Variants in ROBO2 observed in about 807,000 individuals in gnomAD.
ROBO2 encodes roundabout guidance receptor 2, also known as roundabout homolog 2.
ROBO2 carries 53 observed loss-of-function variants against 160.8 expected under a neutral mutation model. The ratio of observed to expected loss-of-function variants is 0.33; its 90% CI spans 0.26 to 0.41. ROBO2 has a LOEUF of 0.41. Ranked by LOEUF, ROBO2 falls within the 10% of genes least tolerant of loss-of-function variation. The probability of loss-of-function intolerance (pLI) is 1.00; values close to 1 mark genes in which losing one functional copy is unlikely to be tolerated. For missense variants in ROBO2, 1,577 were observed against 1,722.4 expected, an observed-to-expected ratio of 0.92 and a Z score of 1.49; for synonymous variants, 664 against 611.7, an observed-to-expected ratio of 1.09 and a Z score of -1.26.
At chr3:76,439,767 G>C (rs2076840194) in intron 2 of ROBO2, among the ~76,000 whole-genome samples, 1 of 152,132 alleles carries the variant, frequency 6.6e-6, no homozygotes, top group African/African-American at 2.4e-5. Flanking sequence ...GTCAATGCAT[G>C]ATGAAAGAGT....
At chr3:76,022,172 T>C (rs895236683) in intron 2 of ROBO2, among the ~76,000 whole-genome samples, 2 of 151,830 alleles carry the variant, frequency 1.3e-5, no homozygotes, top group African/African-American at 2.4e-5. Flanking sequence ...AGCAACTCAG[T>C]CACATCTTCA....
intron 2 of ROBO2, among the ~76,000 whole-genome samples, chr3:76,702,054 G>A (rs1317948616): frequency 1.3e-5 from 2 of 151,850 alleles, no homozygotes; most frequent in African/African-American, 2.4e-5. Flanking sequence ...AATTTCACTA[G>A]CAAATAAATG....
chr3:76,553,476 G>T (rs1026405028), intron 2 of ROBO2, among the ~76,000 whole-genome samples: 4 of 152,126 alleles, frequency 2.6e-5, no homozygotes, highest in Non-Finnish European at 5.9e-5. Context: ...ATCTGAGCGA[G>T]ATATTTCTGA....
chr3:76,443,910 TC>T (rs1327206050), intron 2 of ROBO2, among the ~76,000 whole-genome samples: 2 of 152,176 alleles, frequency 1.3e-5, no homozygotes, highest in Non-Finnish European at 2.9e-5. Context: ...GGCAGAATGT[TC>T]ATATGCAAGA....
At chr3:76,762,877 A>G (rs1027686986) in intron 2 of ROBO2, among the ~76,000 whole-genome samples, 3 of 151,728 alleles carry the variant, frequency 2.0e-5, no homozygotes, top group Non-Finnish European at 4.4e-5. Flanking sequence ...TATTTCAACA[A>G]TGACAAAGTG....
intron 2 of ROBO2, among the ~76,000 whole-genome samples, chr3:77,407,985 G>C (rs1039260820): frequency 5.9e-5 from 9 of 151,802 alleles, no homozygotes; most frequent in African/African-American, 2.2e-4. Context: ...GATTATGCTG[G>C]AAAGGTGCAT....
At chr3:77,426,046 G>T (rs1423074241) in intron 2 of ROBO2, among the ~76,000 whole-genome samples, 5 of 152,078 alleles carry the variant, frequency 3.3e-5, no homozygotes, top group South Asian at 2.1e-4. Flanking sequence ...ATTTTCTAAA[G>T]ATTCCTGGGA....
At chr3:77,430,353 T>C (rs2078647783) in intron 2 of ROBO2, among the ~76,000 whole-genome samples, 1 of 152,114 alleles carries the variant, frequency 6.6e-6, no homozygotes, top group East Asian at 1.9e-4. Flanking sequence ...TTTGTGTGTG[T>C]TTGTGTGTTT....
chr3:75,991,352 G>A (rs2065563308), intron 2 of ROBO2, among the ~76,000 whole-genome samples: 1 of 152,086 alleles, frequency 6.6e-6, no homozygotes, highest in Admixed American at 6.5e-5. Flanking sequence ...TCCAGTGAGA[G>A]GTAATTGAAT....
At chr3:75,926,706 A>C (rs1463409485) in intron 1 of ROBO2, among the ~76,000 whole-genome samples, 1 of 152,206 alleles carries the variant, frequency 6.6e-6, no homozygotes, top group Non-Finnish European at 1.5e-5. Context: ...GCTTGGCATC[A>C]AATTGAATTC....
intron 7 of ROBO2, among the ~76,000 whole-genome samples, chr3:77,550,102 T>C (rs932065571): frequency 1.3e-5 from 2 of 152,032 alleles, no homozygotes; most frequent in African/African-American, 4.8e-5. Context: ...TATGTATATA[T>C]GAGATATAGA....
chr3:76,404,046 CA>C (rs2077996687), intron 2 of ROBO2, among the ~76,000 whole-genome samples: 1 of 151,540 alleles, frequency 6.6e-6, no homozygotes, highest in Non-Finnish European at 1.5e-5. Flanking sequence ...AGGTTTTAGG[CA>C]AATGAATTTT....
rs540543465 is a variant in ROBO2 at position 76,149,982 on chromosome 3, A to G, written c.109+212380A>G. ...CACACATCATATGTCTAAAGCACAC[A>G]TCTGTCTAAAGCACACATCATCTGT... On this transcript the variant is annotated intron_variant, in intron 2 of 26. Transcript: ENST00000487694. Among the ~76,000 whole-genome samples, 638 of 151,194 alleles carry G rather than the reference A, an allele frequency of 4.2e-3. 7 individuals carry two copies. The highest frequency in any genetic ancestry group is 0.013 in the Admixed American group (203 of 15,112).
chr3:76,319,032 C>T (rs982199563), intron 2 of ROBO2, among the ~76,000 whole-genome samples: 2 of 151,918 alleles, frequency 1.3e-5, no homozygotes, highest in African/African-American at 4.8e-5. Flanking sequence ...GATAATTCTT[C>T]TAAAAAGGAA....
At chr3:76,230,326 A>C (rs1017751143) in intron 2 of ROBO2, among the ~76,000 whole-genome samples, 2 of 152,146 alleles carry the variant, frequency 1.3e-5, no homozygotes, top group Admixed American at 6.6e-5. Context: ...TTGAAAAAAA[A>C]AATGGCTTTC....
intron 2 of ROBO2, among the ~76,000 whole-genome samples, chr3:77,266,611 G>A (rs1200914273): frequency 6.6e-6 from 1 of 152,082 alleles, no homozygotes; most frequent in Non-Finnish European, 1.5e-5. Context: ...TTCTTGGAAC[G>A]TTGGGTAGTG....
intron 2 of ROBO2, among the ~76,000 whole-genome samples, chr3:76,272,026 A>G (rs1707463163): frequency 6.6e-6 from 1 of 152,154 alleles, no homozygotes; most frequent in Non-Finnish European, 1.5e-5. Context: ...CATATTCTTA[A>G]TATGTTTAGC....
chr3:76,933,333 T>G (rs952355244), intron 2 of ROBO2, among the ~76,000 whole-genome samples: 30 of 152,346 alleles, frequency 2.0e-4, no homozygotes, highest in Middle Eastern at 3.4e-3. Context: ...CTAAGTGAAC[T>G]ATATCTAATT....
intron 2 of ROBO2, among the ~76,000 whole-genome samples, chr3:76,952,031 C>T (rs2078987965): frequency 1.3e-5 from 2 of 152,136 alleles, no homozygotes; most frequent in Admixed American, 1.3e-4. Context: ...TAAATTGTAT[C>T]CTGTGTTTTA....
Sources: allele counts gnomAD v4.1 joint callset (sites outside exome capture counted in the v4.1 genomes callset), GRCh38; gene constraint gnomAD v4.1.1; transcripts MANE v1.5; gene names NCBI Gene and HGNC (gene_info 2026-07-23, HGNC 2026-07-21).